The following ZDHHC14 variants were observed in gnomAD, a reference collection of about 807,000 sequenced individuals.
ZDHHC14 encodes the protein palmitoyltransferase ZDHHC14.
In ZDHHC14, 16 loss-of-function variants were observed where a neutral mutation model predicts 47.7. That is an observed-to-expected ratio of 0.34 (90% CI 0.23 to 0.51). The LOEUF is 0.51. Ranked by LOEUF, ZDHHC14 falls within the 20% of genes least tolerant of loss-of-function variation. The probability of loss-of-function intolerance (pLI) is 0.97; values close to 1 mark genes in which losing one functional copy is unlikely to be tolerated. For missense variants in ZDHHC14, 515 were observed against 662.5 expected (o/e 0.78, Z 2.44); for synonymous variants, 293 against 278.9 (o/e 1.05, Z -0.50).
intron 5 of ZDHHC14, among the ~76,000 whole-genome samples, chr6:157,634,338 A>G (rs1267693736): frequency 6.6e-6 from 1 of 152,214 alleles, no homozygotes; most frequent in Non-Finnish European, 1.5e-5. Flanking sequence ...TTTGGGAAGA[A>G]GTTGACTGGA....
intron 5 of ZDHHC14, among the ~76,000 whole-genome samples, chr6:157,639,631 A>G (rs1777151827): frequency 6.6e-6 from 1 of 152,198 alleles, no homozygotes; most frequent in Admixed American, 6.5e-5. Context: ...AGGGGACACA[A>G]CAGAGTGGAA....
intron 3 of ZDHHC14, among the ~76,000 whole-genome samples, chr6:157,621,526 T>C (rs1264182720): frequency 6.6e-6 from 1 of 152,120 alleles, no homozygotes; most frequent in African/African-American, 2.4e-5. Context: ...ATTCCCCACA[T>C]CCTGACCAAG....
At chr6:157,410,412 T>TA (rs530985920) in intron 1 of ZDHHC14, among the ~76,000 whole-genome samples, 32 of 152,278 alleles carry the variant, frequency 2.1e-4, no homozygotes, top group African/African-American at 6.3e-4. Flanking sequence ...GCATTTTGTA[T>TA]AAAAAAATGA....
At position 157,586,983 on chromosome 6, in the gene ZDHHC14, A is replaced by G. The variant is rs143628868; in HGVS notation, c.407-6005A>G. 7.2e-5 allele frequency among the ~76,000 whole-genome samples: 11 copies of G among 152,336 alleles called. No individual in the cohort carries two copies. Among genetic ancestry groups the G allele is most frequent in the African/African-American group, 2.4e-4 (10 of 41,572 alleles). On this transcript the variant is annotated intron_variant, in intron 2 of 8. Transcript: ENST00000359775. This position sits in a 1 kb window ranked among gnomAD's most constrained non-coding sequence, Gnocchi z 4.6. ...AGAGTTTATCTTCAGGAGTGTCAGC[A>G]AATACTCACTTTATCAAGTCATTGC...
intron 3 of ZDHHC14, among the ~76,000 whole-genome samples, chr6:157,611,343 G>A (rs957639499): frequency 4.6e-5 from 7 of 152,176 alleles, no homozygotes; most frequent in Non-Finnish European, 1.0e-4. Context: ...GGATTCTGAT[G>A]TAAAATAATG....
intron 1 of ZDHHC14, among the ~76,000 whole-genome samples, chr6:157,430,984 C>T (rs1324308325): frequency 6.6e-6 from 1 of 152,202 alleles, no homozygotes; most frequent in Non-Finnish European, 1.5e-5. Flanking sequence ...CTGGGACTTC[C>T]TCAGAGCTGT....
In ZDHHC14 at chr6:157,429,567, TAGGA is replaced by T. The variant is rs1173536338; in HGVS notation, c.245+47313_245+47316del. Among the ~76,000 whole-genome samples, 3 of 100,060 alleles carry T rather than the reference TAGGA, an allele frequency of 3.0e-5. No individual in the cohort carries two copies. The East Asian group carries it at 8.3e-4, about 28-fold the overall frequency. 65.6% of individuals were successfully genotyped at this position (100,060 alleles called of 152,430 possible). A position where few individuals can be genotyped will look rare whatever the true frequency, so the allele number is the denominator to read the frequency against. On this transcript the variant is annotated intron_variant, in intron 1 of 8. Transcript: ENST00000359775. ...TCACTAGCTGTTTGTAGAAGGAAGG[TAGGA>T]AGGAAGGAAGGGAGGGAGGGAGGGA...
chr6:157,581,515 G>A (rs1351669260), intron 2 of ZDHHC14, among the ~76,000 whole-genome samples: 3 of 151,954 alleles, frequency 2.0e-5, no homozygotes, highest in African/African-American at 7.3e-5. Flanking sequence ...CTGTCAGTGG[G>A]GTGTTGAGAT....
intron 8 of ZDHHC14, among the ~76,000 whole-genome samples, chr6:157,656,069 G>A (rs989219880): frequency 6.6e-6 from 1 of 152,202 alleles, no homozygotes; most frequent in Non-Finnish European, 1.5e-5. Flanking sequence ...AAATGGGGAG[G>A]TCGTTTTACT....
chr6:157,658,093 C>G (rs1008029602), intron 8 of ZDHHC14, among the ~76,000 whole-genome samples: 10 of 152,032 alleles, frequency 6.6e-5, no homozygotes, highest in African/African-American at 2.4e-4. Context: ...TATTATTATC[C>G]CCCTGAGACC....
At chr6:157,637,864 G>A (rs1449461621) in intron 5 of ZDHHC14, among the ~76,000 whole-genome samples, 1 of 152,178 alleles carries the variant, frequency 6.6e-6, no homozygotes, top group East Asian at 1.9e-4. Context: ...GGAAGCGAGA[G>A]AGATTAGAAA....
intron 3 of ZDHHC14, among the ~76,000 whole-genome samples, chr6:157,610,225 A>G (rs1166541233): frequency 6.6e-6 from 1 of 152,208 alleles, no homozygotes; most frequent in African/African-American, 2.4e-5. Flanking sequence ...CAGGCGGATC[A>G]TGAGGTCGGG....
chr6:157,492,106 G>T (rs1054931066), intron 1 of ZDHHC14, among the ~76,000 whole-genome samples: 3 of 152,066 alleles, frequency 2.0e-5, no homozygotes, highest in South Asian at 2.1e-4. Flanking sequence ...CTCCAGGCAG[G>T]TGCTGTCACT....
intron 1 of ZDHHC14, among the ~76,000 whole-genome samples, chr6:157,436,153 C>T (rs1324788762): frequency 6.6e-6 from 1 of 152,138 alleles, no homozygotes; most frequent in Admixed American, 6.5e-5. Flanking sequence ...TTCCCAGAGT[C>T]CTGCCAGGTG....
intron 5 of ZDHHC14, among the ~76,000 whole-genome samples, chr6:157,633,323 A>G (rs1199911227): frequency 6.6e-6 from 1 of 152,210 alleles, no homozygotes; most frequent in African/African-American, 2.4e-5. Flanking sequence ...ACAGTTTGCC[A>G]TTCGGATTAC....
At chr6:157,498,910 G>A (rs1780131758) in intron 1 of ZDHHC14, among the ~76,000 whole-genome samples, 1 of 152,146 alleles carries the variant, frequency 6.6e-6, no homozygotes, top group Non-Finnish European at 1.5e-5. Flanking sequence ...TGTTATGCTG[G>A]AACAGCTGAG....
At chr6:157,624,265 C>T (rs760428806) in intron 3 of ZDHHC14, among the ~76,000 whole-genome samples, 53 of 152,302 alleles carry the variant, frequency 3.5e-4, no homozygotes, top group Admixed American at 3.0e-3. Flanking sequence ...CTCCTCTGAG[C>T]GCATTCAGAG....
intron 4 of ZDHHC14, 77 bp from the exon 5 acceptor site, chr6:157,632,756 AT>A: frequency 4.6e-6 from 6 of 1,317,670 alleles, no homozygotes; most frequent in Non-Finnish European, 5.5e-6. Flanking sequence ...GCCATCTATT[AT>A]TTTTTTGTAG....
At chr6:157,515,367 A>G (rs1780645937) in intron 1 of ZDHHC14, among the ~76,000 whole-genome samples, 1 of 151,982 alleles carries the variant, frequency 6.6e-6, no homozygotes, top group Non-Finnish European at 1.5e-5. Context: ...ACGTGATTCT[A>G]GTCGCATCTT....
Sources: allele counts gnomAD v4.1 joint callset (sites outside exome capture counted in the v4.1 genomes callset), GRCh38; gene constraint gnomAD v4.1.1; non-coding constraint Gnocchi (gnomAD v3.1); transcripts MANE v1.5; gene names NCBI Gene and HGNC (gene_info 2026-07-23, HGNC 2026-07-21).